Variants in NTM observed in about 807,000 individuals in gnomAD.
NTM encodes the protein neurotrimin.
A neutral mutation model predicts 42.1 loss-of-function variants in NTM; 13 were observed. The ratio of observed to expected loss-of-function variants is 0.31; its 90% CI spans 0.20 to 0.49. The LOEUF (loss-of-function observed/expected upper bound fraction) is 0.49, where lower values mean the gene tolerates loss of function less well. Ranked by LOEUF, NTM falls within the 20% of genes least tolerant of loss-of-function variation. The pLI is 0.99. For synonymous variants in NTM, 187 were observed against 179.2 expected (o/e 1.04, Z -0.35); for missense variants, 373 against 452.8 (o/e 0.82, Z 1.60).
intron 2 of NTM, among the ~76,000 whole-genome samples, chr11:132,122,289 GC>G (rs2064970705): frequency 6.6e-6 from 1 of 152,172 alleles, no homozygotes; most frequent in Non-Finnish European, 1.5e-5. Context: ...AGTGGGGTGT[GC>G]CCCCTGGATA....
chr11:132,008,851 T>C (rs1421967888), intron 2 of NTM, among the ~76,000 whole-genome samples: 1 of 151,928 alleles, frequency 6.6e-6, no homozygotes, highest in East Asian at 1.9e-4. Flanking sequence ...TTCCTTTTCT[T>C]TCTTTCCTTG....
At chr11:131,707,279 T>C (rs1319605356) in intron 1 of NTM, among the ~76,000 whole-genome samples, 4 of 152,088 alleles carry the variant, frequency 2.6e-5, no homozygotes, top group Admixed American at 2.0e-4. Flanking sequence ...TTATTTAACT[T>C]AGCATAATGT....
intron 3 of NTM, among the ~76,000 whole-genome samples, chr11:132,185,645 CATTAATAAAGAAAAAG>C (rs2078276279): frequency 6.6e-6 from 1 of 152,094 alleles, no homozygotes; most frequent in South Asian, 2.1e-4. Flanking sequence ...CAAATCTCTC[CATTAATAAAGAAAAAG>C]AGTGTCTGGT....
At chr11:131,998,074 G>A (rs2068424252) in intron 2 of NTM, among the ~76,000 whole-genome samples, 1 of 151,730 alleles carries the variant, frequency 6.6e-6, no homozygotes, top group Non-Finnish European at 1.5e-5. Flanking sequence ...CCTTGTAAAT[G>A]TACAGACCAT....
At chr11:131,585,343 C>A (rs1298488206) in intron 1 of NTM, among the ~76,000 whole-genome samples, 3 of 152,196 alleles carry the variant, frequency 2.0e-5, no homozygotes, top group African/African-American at 4.8e-5. Flanking sequence ...CTGGGGGAAC[C>A]CACGCTGGCG....
intron 2 of NTM, among the ~76,000 whole-genome samples, chr11:131,915,911 C>T (rs758028715): frequency 2.0e-5 from 3 of 152,172 alleles, no homozygotes; most frequent in Admixed American, 6.5e-5. Context: ...ATTATGGGAG[C>T]TACAATTCAA....
At chr11:131,974,986 C>T (rs2064099486) in intron 2 of NTM, among the ~76,000 whole-genome samples, 1 of 152,128 alleles carries the variant, frequency 6.6e-6, no homozygotes, top group South Asian at 2.1e-4. Context: ...TAATAGTTTG[C>T]AAAAACCTTC....
At chr11:131,768,191 C>T (rs984096064) in intron 1 of NTM, among the ~76,000 whole-genome samples, 6 of 148,398 alleles carry the variant, frequency 4.0e-5, no homozygotes, top group African/African-American at 1.2e-4. Context: ...GGTGTGATCT[C>T]GACTACAACC....
intron 1 of NTM, among the ~76,000 whole-genome samples, chr11:131,477,048 G>A (rs1441015144): frequency 6.6e-6 from 1 of 152,048 alleles, no homozygotes; most frequent in African/African-American, 2.4e-5. Flanking sequence ...GCATGTCTTA[G>A]GCCTCAGTGA....
At chr11:131,567,101 T>G (rs1312105807) in intron 1 of NTM, among the ~76,000 whole-genome samples, 3 of 152,022 alleles carry the variant, frequency 2.0e-5, no homozygotes, top group Non-Finnish European at 2.9e-5. Context: ...TCCCGTTCTA[T>G]TTCACCTAAG....
chr11:132,174,341 T>C (rs2076495300), intron 3 of NTM, among the ~76,000 whole-genome samples: 2 of 152,244 alleles, frequency 1.3e-5, no homozygotes, highest in East Asian at 3.9e-4. Flanking sequence ...AATTAAATCA[T>C]GGAAGTGAAC....
At chr11:131,897,441 T>C (rs1406448173) in intron 1 of NTM, among the ~76,000 whole-genome samples, 1 of 152,220 alleles carries the variant, frequency 6.6e-6, no homozygotes, top group Admixed American at 6.5e-5. Flanking sequence ...TTAAATGTCA[T>C]CACACTCACT....
intron 4 of NTM, among the ~76,000 whole-genome samples, chr11:132,267,570 C>T (rs1352711715): frequency 6.6e-6 from 1 of 150,852 alleles, no homozygotes; most frequent in East Asian, 1.9e-4. Context: ...AATCCCAACA[C>T]TTTGGGAGGC....
At chr11:131,907,604 A>G (rs2054050169) in intron 1 of NTM, among the ~76,000 whole-genome samples, 1 of 152,194 alleles carries the variant, frequency 6.6e-6, no homozygotes, top group African/African-American at 2.4e-5. Flanking sequence ...ATTTATGTGT[A>G]CAGTATATGT....
intron 1 of NTM, among the ~76,000 whole-genome samples, chr11:131,879,164 A>T (rs996358215): frequency 6.6e-6 from 1 of 152,052 alleles, no homozygotes; most frequent in Non-Finnish European, 1.5e-5. Context: ...AGCAAACTTC[A>T]TGTGTATTCA....
At chr11:131,957,572 G>A (rs188034850) in intron 2 of NTM, among the ~76,000 whole-genome samples, 198 of 152,180 alleles carry the variant, frequency 1.3e-3, no homozygotes, top group Admixed American at 2.7e-3. Context: ...CAGCCCAACC[G>A]TTACCTGTGA....
chr11:131,579,868 T>C (rs141103406), intron 1 of NTM, among the ~76,000 whole-genome samples: 32 of 152,310 alleles, frequency 2.1e-4, no homozygotes, highest in African/African-American at 7.7e-4. Flanking sequence ...TATATTTCTA[T>C]AAAAACTACT....
At chr11:131,444,907 A>G (rs911755931) in intron 1 of NTM, among the ~76,000 whole-genome samples, 2 of 152,180 alleles carry the variant, frequency 1.3e-5, no homozygotes, top group Admixed American at 1.3e-4. Flanking sequence ...TTAGACCTTG[A>G]TTTTCTCATA....
At chr11:132,167,531 C>T (rs920203750) in intron 3 of NTM, among the ~76,000 whole-genome samples, 1 of 152,182 alleles carries the variant, frequency 6.6e-6, no homozygotes, top group African/African-American at 2.4e-5. Flanking sequence ...GCCAATCTGT[C>T]CATTATAAAT....
Sources: gnomAD v4.1 joint callset for allele counts (sites outside exome capture counted in the v4.1 genomes callset) on GRCh38, gnomAD v4.1.1 for gene constraint, MANE v1.5 for transcripts, NCBI Gene and HGNC (gene_info 2026-07-23, HGNC 2026-07-21) for gene names.